The following IARS1 variants were observed in gnomAD, a reference collection of about 807,000 sequenced individuals.
IARS1 encodes isoleucine--tRNA ligase, cytoplasmic.
IARS1 carries 124 observed loss-of-function variants against 168.2 expected under a neutral mutation model. The ratio of observed to expected loss-of-function variants is 0.74; its 90% CI spans 0.64 to 0.86. The LOEUF is 0.86. Among genes scored for constraint, IARS1 ranks in the 40% least tolerant of loss-of-function variants. The probability of loss-of-function intolerance (pLI) is 0.00; values close to 1 mark genes in which losing one functional copy is unlikely to be tolerated. For missense variants in IARS1, 1,452 were observed against 1,515.8 expected (o/e 0.96, Z 0.70); for synonymous variants, 532 against 529.4 (o/e 1.00, Z -0.07).
intron 30 of IARS1, among the ~76,000 whole-genome samples, chr9:92,238,521 G>C (rs1827897636): frequency 6.6e-6 from 1 of 152,152 alleles, no homozygotes. Flanking sequence ...AAAGCTTCTT[G>C]AGGCCCTCAA....
At chr9:92,222,497 C>A (rs1839816691) in intron 33 of IARS1, 23 bp downstream of exon 33, 5 of 1,604,564 alleles carry the variant, frequency 3.1e-6, no homozygotes, top group Non-Finnish European at 3.4e-6. Flanking sequence ...AAATAAAAAA[C>A]TTACGGTCCA....
chr9:92,264,751 C>G (rs1832038361), intron 16 of IARS1, among the ~76,000 whole-genome samples, 178 bp downstream of exon 16: 1 of 152,130 alleles, frequency 6.6e-6, no homozygotes, highest in Non-Finnish European at 1.5e-5. Flanking sequence ...GAGAGTCCTA[C>G]TCAAAAGGCA....
At chr9:92,212,014 T>TG (rs1227972774) in intron 33 of IARS1, among the ~76,000 whole-genome samples, 1 of 152,222 alleles carries the variant, frequency 6.6e-6, no homozygotes, top group Admixed American at 6.5e-5. Flanking sequence ...CTGCCTACTG[T>TG]GGAGCATTTT....
chr9:92,275,289 T>C (rs913449914), intron 9 of IARS1, among the ~76,000 whole-genome samples: 3 of 152,212 alleles, frequency 2.0e-5, no homozygotes, highest in African/African-American at 7.2e-5. Flanking sequence ...CTGGCTGTAT[T>C]TGCATTTCAC....
At chr9:92,281,065 A>G (rs1023351193) in intron 6 of IARS1, among the ~76,000 whole-genome samples, 172 bp from the exon 7 acceptor site, 2 of 152,162 alleles carry the variant, frequency 1.3e-5, no homozygotes, top group Admixed American at 1.3e-4. Flanking sequence ...AAAAATTTTT[A>G]AATACTTTAA....
At chr9:92,271,816 A>C (rs950410213) in intron 10 of IARS1, among the ~76,000 whole-genome samples, 161 bp from the exon 11 acceptor site, 1 of 152,190 alleles carries the variant, frequency 6.6e-6, no homozygotes, top group African/African-American at 2.4e-5. Context: ...GGAGAATCAG[A>C]CCCTCACAGT....
Position 92,242,278 on chromosome 9 carries a change from T to C in IARS1, c.3053A>G (p.Glu1018Gly), listed in dbSNP as rs1411731479. The change falls in exon 29 of 34, where the codon GAA becomes GGA. Residue 1018 changes from glutamate (E) to glycine (G), a missense_variant. Coordinates refer to ENST00000443024, the MANE Select transcript of IARS1 (RefSeq NM_002161.6). ...AATAACACTATTCAGATATGTTCCT[T>C]CAGACTTTGCTTTATAGTACACTGT... ...EITVYYKAKS[E>G]GTYLNSVIES... 2.5e-6 allele frequency: 4 copies of C among 1,614,018 alleles called. No individual in the cohort carries two copies. The Admixed American group carries it at 6.7e-5, about 27-fold the overall frequency.
At chr9:92,272,804 T>C (rs969589717) in intron 10 of IARS1, among the ~76,000 whole-genome samples, 2 of 148,182 alleles carry the variant, frequency 1.3e-5, no homozygotes, top group African/African-American at 5.0e-5. Context: ...TGAGCCAAGA[T>C]TGCACCATTG....
rs1424621043 is a variant in IARS1, at chr9:92,222,661, C to CCATTAAA, written c.3558_3564dup (p.Gly1189PhefsTer11). 1 of 1,613,758 alleles carries CCATTAAA rather than the reference C, an allele frequency of 6.2e-7. No homozygotes were observed. The highest frequency in any genetic ancestry group is 8.5e-7 in the Non-Finnish European group (1 of 1,179,962). On this transcript the variant is annotated frameshift_variant, in exon 33 of 34. Transcript: ENST00000443024. LOFTEE classifies it high-confidence loss of function. Reference sequence around the variant, plus strand: ...TCAAGCAGGAGAGTGCCCACTGTCCCCATTAAACACTCTGTGGAAGACAGA... The same window carrying CCATTAAA: ...TCAAGCAGGAGAGTGCCCACTGTCCCCATTAAACATTAAACACTCTGTGGAAGACAGA...
At chr9:92,224,304 T>C (rs1825288243) in intron 31 of IARS1, among the ~76,000 whole-genome samples, 1 of 152,158 alleles carries the variant, frequency 6.6e-6, no homozygotes, top group Non-Finnish European at 1.5e-5. Context: ...TGAAGAATAG[T>C]GATGGGTGGA....
In IARS1 at chr9:92,252,402, G is replaced by A. The variant is rs564046277; in HGVS notation, c.2230-517C>T. The A allele has an allele frequency of 3.3e-4, 172 of 515,118 alleles. 2 individuals carry two copies. Among genetic ancestry groups the A allele is most frequent in the South Asian group, 2.2e-3 (158 of 70,892 alleles). The allele number at this position is 515,118 out of a possible 1,614,324, so 31.9% of individuals were successfully genotyped here. A position where few individuals can be genotyped will look rare whatever the true frequency, so the allele number is the denominator to read the frequency against. Reference sequence around the variant, plus strand: ...TCTTAGCATATGTCCTTCTAGATACGTGTGTGTGAGATACATCTGCACAAA... The same window carrying A: ...TCTTAGCATATGTCCTTCTAGATACATGTGTGTGAGATACATCTGCACAAA... On this transcript the variant is annotated intron_variant, in intron 21 of 33. Transcript: ENST00000443024.
intron 13 of IARS1, among the ~76,000 whole-genome samples, chr9:92,269,213 G>C (rs1832694023): frequency 6.6e-6 from 1 of 152,212 alleles, no homozygotes; most frequent in African/African-American, 2.4e-5. Flanking sequence ...GCTGCCCTGA[G>C]ATTCTCCCCA....
rs1312958837 is a variant in IARS1, at chr9:92,247,324, G to A, written c.2791+53C>T. The A allele has an allele frequency of 2.6e-6, 4 of 1,525,502 alleles. No individual in the cohort carries two copies. The Admixed American group carries it at 7.7e-5, about 29-fold the overall frequency. 94.5% of individuals were successfully genotyped at this position (1,525,502 alleles called of 1,614,324 possible). On this transcript the variant is annotated intron_variant, in intron 26 of 33. Transcript: ENST00000443024. ...TAAAAGTCAAACAGTAGCCTAAAAAGTATCCCTCAGACTCAGGACATAAAT... is the reference window on the plus strand; with the variant it reads ...TAAAAGTCAAACAGTAGCCTAAAAAATATCCCTCAGACTCAGGACATAAAT...
chr9:92,232,834 T>A (rs1826927837), intron 30 of IARS1, among the ~76,000 whole-genome samples: 1 of 152,140 alleles, frequency 6.6e-6, no homozygotes, highest in Non-Finnish European at 1.5e-5. Flanking sequence ...ACTGCTCAGG[T>A]CTTTTTATAA....
intron 21 of IARS1, chr9:92,252,409 T>A (rs769827497): frequency 5.8e-6 from 3 of 515,376 alleles, no homozygotes; most frequent in South Asian, 4.2e-5. Context: ...TACGTGTGTG[T>A]GAGATACATC....
intron 30 of IARS1, among the ~76,000 whole-genome samples, chr9:92,235,596 C>T (rs1162512910): frequency 1.3e-5 from 2 of 148,482 alleles, no homozygotes; most frequent in Non-Finnish European, 3.0e-5. Context: ...TGGCTCACTG[C>T]AACCTCTGCC....
At chr9:92,264,785 G>T in intron 16 of IARS1, 144 bp downstream of exon 16, 2 of 673,386 alleles carry the variant, frequency 3.0e-6, no homozygotes, top group Non-Finnish European at 2.5e-6. Context: ...GCTTGGTGGT[G>T]GAGGGGAGAG....
chr9:92,256,798 C>T lies in IARS1; in HGVS notation c.2019G>A (p.Glu673=). 2 of 1,610,770 alleles carry T rather than the reference C, an allele frequency of 1.2e-6. No individual in the cohort carries two copies. Among genetic ancestry groups the T allele is most frequent in the Non-Finnish European group, 1.7e-6 (2 of 1,177,888 alleles). Residue 673 remains glutamate, a splice_region_variant and synonymous_variant, in exon 20 of 34, where the codon GAG becomes GAA. Transcript: ENST00000443024. ...LIQNVLRLQK[E]EEIEFLYNEN... ...CATTGTAGAGAAATTCTATTTCTTCCTCCTAGGAAGGAACAATTAATGAAA... is the reference window on the plus strand; with the variant it reads ...CATTGTAGAGAAATTCTATTTCTTCTTCCTAGGAAGGAACAATTAATGAAA...
intron 31 of IARS1, among the ~76,000 whole-genome samples, chr9:92,225,005 C>T (rs908171162): frequency 2.0e-5 from 3 of 152,118 alleles, no homozygotes; most frequent in African/African-American, 7.2e-5. Flanking sequence ...GCTGATTTTG[C>T]TACAGCTGCT....
Sources: gnomAD v4.1 joint callset for allele counts (sites outside exome capture counted in the v4.1 genomes callset) on GRCh38, gnomAD v4.1.1 for gene constraint, MANE v1.5 for transcripts, NCBI Gene and HGNC (gene_info 2026-07-23, HGNC 2026-07-21) for gene names.